Variants in GPC6 observed in about 807,000 individuals in gnomAD.
GPC6 encodes the protein glypican-6.
GPC6 carries 14 observed loss-of-function variants against 55.2 expected under a neutral mutation model. That is an observed-to-expected ratio of 0.25 (90% CI 0.17 to 0.40). GPC6 has a LOEUF of 0.40. GPC6 is among the 10% of genes least tolerant of loss of function. GPC6 has a pLI of 1.00. For missense variants in GPC6, 641 were observed against 708.5 expected, an observed-to-expected ratio of 0.90 and a Z score of 1.08; for synonymous variants, 278 against 259.6, an observed-to-expected ratio of 1.07 and a Z score of -0.68.
chr13:93,930,179 G>A (rs754035587), intron 3 of GPC6, among the ~76,000 whole-genome samples: 2 of 151,060 alleles, frequency 1.3e-5, no homozygotes, highest in African/African-American at 4.9e-5. Context: ...GGATCATTCT[G>A]TTATATAGCC....
intron 1 of GPC6, among the ~76,000 whole-genome samples, chr13:93,508,209 C>A (rs913604616): frequency 6.6e-6 from 1 of 152,090 alleles, no homozygotes. Flanking sequence ...AGGGATAGTC[C>A]ATTGGAAAAC....
rs547230992 is a variant in GPC6, at chr13:93,989,949, T to A, written c.712-37780T>A. On this transcript the variant is annotated intron_variant, in intron 3 of 8. Coordinates refer to ENST00000377047, the MANE Select transcript of GPC6 (RefSeq NM_005708.5). ...ATATATATGTATATATATATATTCT[T>A]TTCTTTGTATAAAATATGTAAAGAA... 1.6e-3 allele frequency among the ~76,000 whole-genome samples: 229 copies of A among 146,836 alleles called. 1 individual carries two copies. The highest frequency in any genetic ancestry group is 5.2e-3 in the African/African-American group (212 of 40,674).
intron 4 of GPC6, among the ~76,000 whole-genome samples, chr13:94,115,033 G>A (rs1886386934): frequency 6.6e-6 from 1 of 152,112 alleles, no homozygotes; most frequent in Non-Finnish European, 1.5e-5. Context: ...TTAAATGTGT[G>A]ATAAGAGCCA....
chr13:93,885,297 T>C (rs959363610), intron 3 of GPC6, among the ~76,000 whole-genome samples: 2 of 150,060 alleles, frequency 1.3e-5, no homozygotes, highest in Non-Finnish European at 3.0e-5. Flanking sequence ...CTTGATCCAC[T>C]CTTTCTACAA....
At chr13:93,236,648 A>G (rs1161872193) in intron 1 of GPC6, among the ~76,000 whole-genome samples, 1 of 152,180 alleles carries the variant, frequency 6.6e-6, no homozygotes, top group East Asian at 1.9e-4. Context: ...CTAATGCCTG[A>G]TGGTCTGAGG....
chr13:93,742,429 T>C (rs1479887088), intron 2 of GPC6, among the ~76,000 whole-genome samples: 2 of 152,168 alleles, frequency 1.3e-5, no homozygotes, highest in African/African-American at 4.8e-5. Flanking sequence ...TGCACTTTTG[T>C]TTATGCCATG....
chr13:93,461,666 G>T (rs1226360080), intron 1 of GPC6, among the ~76,000 whole-genome samples: 1 of 131,890 alleles, frequency 7.6e-6, no homozygotes, highest in Non-Finnish European at 1.7e-5. Flanking sequence ...GTCCCGGCGG[G>T]GGGGTTGGGG....
At chr13:93,368,414 T>TTCCTTCCTTCCTTCCA (rs2139188279) in intron 1 of GPC6, among the ~76,000 whole-genome samples, 1 of 147,582 alleles carries the variant, frequency 6.8e-6, no homozygotes, top group East Asian at 2.0e-4. Context: ...CCTTCCTTCC[T>TTCCTTCCTTCCTTCCA]TCCATCCTTC....
At chr13:93,721,231 A>G (rs2138823036) in intron 2 of GPC6, among the ~76,000 whole-genome samples, 1 of 152,084 alleles carries the variant, frequency 6.6e-6, no homozygotes. Context: ...AACTTGCTTT[A>G]TGAATCTGGG....
intron 2 of GPC6, among the ~76,000 whole-genome samples, chr13:93,808,770 G>A (rs1442240822): frequency 6.6e-6 from 1 of 152,162 alleles, no homozygotes; most frequent in African/African-American, 2.4e-5. Flanking sequence ...GTGAGCTTGA[G>A]CTAAATCAGA....
intron 2 of GPC6, among the ~76,000 whole-genome samples, chr13:93,726,103 T>C (rs74108608): frequency 1.9e-4 from 24 of 126,850 alleles, no homozygotes; most frequent in South Asian, 5.9e-4. Context: ...TTTTCCTTCA[T>C]ACACACACAC....
At chr13:93,563,790 A>G (rs2139462286) in intron 2 of GPC6, among the ~76,000 whole-genome samples, 1 of 152,062 alleles carries the variant, frequency 6.6e-6, no homozygotes, top group South Asian at 2.1e-4. Flanking sequence ...TCCTGCCAGC[A>G]GAAAATTCAT....
At chr13:93,977,265 G>C (rs1325139835) in intron 3 of GPC6, among the ~76,000 whole-genome samples, 2 of 151,968 alleles carry the variant, frequency 1.3e-5, no homozygotes, top group African/African-American at 4.8e-5. Context: ...ATAATCCAAG[G>C]GTTCAAATTC....
At chr13:93,496,237 T>C (rs910564249) in intron 1 of GPC6, among the ~76,000 whole-genome samples, 5 of 152,140 alleles carry the variant, frequency 3.3e-5, no homozygotes, top group African/African-American at 1.2e-4. Flanking sequence ...TGCGCCGTTT[T>C]TTAAGCTGGT....
intron 1 of GPC6, among the ~76,000 whole-genome samples, chr13:93,414,365 CT>C (rs1169671585): frequency 5.9e-5 from 9 of 152,062 alleles, no homozygotes; most frequent in Admixed American, 4.6e-4. Flanking sequence ...TCATATAGTG[CT>C]TTTGTAGCAT....
intron 4 of GPC6, among the ~76,000 whole-genome samples, chr13:94,112,591 A>G (rs1413797186): frequency 6.6e-6 from 1 of 152,134 alleles, no homozygotes; most frequent in Non-Finnish European, 1.5e-5. Flanking sequence ...AAAATTGCAT[A>G]TTCTTTTCTT....
chr13:93,329,604 T>G (rs1423888863), intron 1 of GPC6, among the ~76,000 whole-genome samples: 3 of 152,198 alleles, frequency 2.0e-5, no homozygotes, highest in Non-Finnish European at 4.4e-5. Flanking sequence ...TAGTTAATGG[T>G]GAACAGTGGT....
At chr13:93,331,351 AT>A (rs1330114222) in intron 1 of GPC6, among the ~76,000 whole-genome samples, 3 of 152,010 alleles carry the variant, frequency 2.0e-5, no homozygotes, top group African/African-American at 7.2e-5. Flanking sequence ...CCAAATTGAA[AT>A]TTTCCTTTTT....
chr13:93,808,157 A>G (rs1886593430), intron 2 of GPC6, among the ~76,000 whole-genome samples: 1 of 152,234 alleles, frequency 6.6e-6, no homozygotes, highest in African/African-American at 2.4e-5. Context: ...TTCAGCAAAG[A>G]CTAGATTAAT....
Sources: gnomAD v4.1 joint callset for allele counts (sites outside exome capture counted in the v4.1 genomes callset) on GRCh38, gnomAD v4.1.1 for gene constraint, MANE v1.5 for transcripts, NCBI Gene and HGNC (gene_info 2026-07-23, HGNC 2026-07-21) for gene names.